TCF12: variants seen among roughly 807,000 people sequenced by gnomAD.
TCF12 encodes the protein DNA-binding protein HTF4.
TCF12 carries 45 observed loss-of-function variants against 86.0 expected under a neutral mutation model. The ratio of observed to expected loss-of-function variants is 0.52; its 90% confidence interval spans 0.41 to 0.67. The LOEUF is 0.67. TCF12 is among the 30% of genes least tolerant of loss of function. The pLI is 0.00. For synonymous variants in TCF12, 330 were observed against 299.6 expected, an observed-to-expected ratio of 1.10 and a Z score of -1.05; for missense variants, 881 against 859.9, an observed-to-expected ratio of 1.02 and a Z score of -0.31.
chr15:56,955,572 A>T (rs1045417456), intron 3 of TCF12, among the ~76,000 whole-genome samples: 35 of 151,980 alleles, frequency 2.3e-4, no homozygotes, highest in African/African-American at 8.0e-4. Flanking sequence ...AAATAAAAAT[A>T]AAAAAAAGCA....
chr15:57,183,191 A>G (rs189785943), intron 6 of TCF12, among the ~76,000 whole-genome samples: 12 of 152,298 alleles, frequency 7.9e-5, no homozygotes, highest in Admixed American at 3.9e-4. Context: ...GAATAATACA[A>G]TGAACACCCA....
chr15:57,150,283 T>A (rs193170147), intron 5 of TCF12, among the ~76,000 whole-genome samples: 2 of 152,242 alleles, frequency 1.3e-5, no homozygotes, highest in East Asian at 3.9e-4. Context: ...TGTATATGCA[T>A]GAGAGGAAAC....
intron 12 of TCF12, 50 bp downstream of exon 12, chr15:57,234,157 T>A: frequency 7.2e-7 from 1 of 1,388,844 alleles, no homozygotes; most frequent in Non-Finnish European, 1.0e-6. Context: ...CACTACTGAA[T>A]ACAGTGATTA....
At chr15:57,217,960 T>C (rs1290420538) in intron 8 of TCF12, among the ~76,000 whole-genome samples, 1 of 152,168 alleles carries the variant, frequency 6.6e-6, no homozygotes, top group East Asian at 1.9e-4. Flanking sequence ...TACAGCGATG[T>C]TCTTTTGCAG....
chr15:56,990,605 C>T (rs1299735749), intron 3 of TCF12, among the ~76,000 whole-genome samples: 3 of 151,870 alleles, frequency 2.0e-5, no homozygotes, highest in African/African-American at 7.3e-5. Context: ...AATTCTATTG[C>T]AGATTTGTTA....
intron 6 of TCF12, among the ~76,000 whole-genome samples, chr15:57,179,112 G>A (rs1171445936): frequency 6.6e-6 from 1 of 152,068 alleles, no homozygotes; most frequent in Admixed American, 6.6e-5. Flanking sequence ...AAGAAGATTA[G>A]GAAACTGAAA....
chr15:56,938,035 CGTTTCTTTTCTTTTTTTTTTTTTTT>C (rs1389203257), intron 3 of TCF12, among the ~76,000 whole-genome samples: 2 of 42,760 alleles, frequency 4.7e-5, no homozygotes, highest in African/African-American at 2.2e-4. Flanking sequence ...TTTTTTTTTT[CGTTTCTTTTCTTTTTTTTTTTTTTT>C]GAGACAGATA....
At chr15:57,205,604 TA>T (rs1430000242) in intron 8 of TCF12, among the ~76,000 whole-genome samples, 1 of 151,004 alleles carries the variant, frequency 6.6e-6, no homozygotes, top group African/African-American at 2.5e-5. Flanking sequence ...TCTCTGACCT[TA>T]CAGGTCAGAC....
At chr15:57,167,595 A>G (rs1396351283) in intron 6 of TCF12, among the ~76,000 whole-genome samples, 1 of 152,052 alleles carries the variant, frequency 6.6e-6, no homozygotes, top group African/African-American at 2.4e-5. Flanking sequence ...AGGAGGGAAG[A>G]GAAGGAAGGG....
At chr15:57,140,420 C>T (rs926692069) in intron 5 of TCF12, among the ~76,000 whole-genome samples, 3 of 152,128 alleles carry the variant, frequency 2.0e-5, no homozygotes, top group Non-Finnish European at 2.9e-5. Flanking sequence ...AAAGGTTCAT[C>T]ATCCAACAAC....
intron 19 of TCF12, among the ~76,000 whole-genome samples, chr15:57,276,920 T>C (rs1024991831): frequency 1.3e-5 from 2 of 150,922 alleles, no homozygotes; most frequent in African/African-American, 4.9e-5. Flanking sequence ...TTCTCCTGCC[T>C]CTGCCTCCTC....
At chr15:57,085,526 C>T (rs2151082671) in intron 4 of TCF12, among the ~76,000 whole-genome samples, 1 of 152,254 alleles carries the variant, frequency 6.6e-6, no homozygotes, top group South Asian at 2.1e-4. Context: ...TTCCCGCTCT[C>T]ACATAACAGA....
rs550493641 is a variant in TCF12, at chr15:57,223,643, GTTTTTTTTTTT to G, written c.580-7491_580-7481del. ...GTTTTGGCACCTGCCTACCAATGAG[GTTTTTTTTTTT>G]TTTTTTTTTTTTTTTTTAGAAATAG... On this transcript the variant is annotated intron_variant, in intron 8 of 20. Transcript: ENST00000333725. 1.7e-4 allele frequency among the ~76,000 whole-genome samples: 12 copies of G among 69,690 alleles called. No homozygotes were observed. In the South Asian group the frequency reaches 3.4e-3, roughly 20 times the overall value. The allele number at this position is 69,690 out of a possible 152,430, so 45.7% of individuals were successfully genotyped here.
chr15:57,133,820 G>A (rs2052326861), intron 5 of TCF12, among the ~76,000 whole-genome samples: 1 of 152,088 alleles, frequency 6.6e-6, no homozygotes, highest in South Asian at 2.1e-4. Context: ...GATGTTATGT[G>A]CTTTTCTCTT....
intron 3 of TCF12, among the ~76,000 whole-genome samples, chr15:57,026,684 A>T (rs1364260108): frequency 6.6e-6 from 1 of 152,090 alleles, no homozygotes; most frequent in Non-Finnish European, 1.5e-5. Context: ...TATATATTTT[A>T]ATTTACGTAT....
At chr15:57,136,494 A>G (rs1177947010) in intron 5 of TCF12, among the ~76,000 whole-genome samples, 4 of 152,180 alleles carry the variant, frequency 2.6e-5, no homozygotes, top group Admixed American at 6.5e-5. Flanking sequence ...TAACAGATCG[A>G]CGTATATTTC....
intron 3 of TCF12, among the ~76,000 whole-genome samples, chr15:56,948,798 A>G (rs2061130951): frequency 6.6e-6 from 1 of 152,238 alleles, no homozygotes; most frequent in African/African-American, 2.4e-5. Flanking sequence ...GACATCTTCC[A>G]CTTTCACTCA....
intron 3 of TCF12, among the ~76,000 whole-genome samples, chr15:56,934,833 A>C (rs533951213): frequency 6.6e-6 from 1 of 152,248 alleles, no homozygotes; most frequent in South Asian, 2.1e-4. Flanking sequence ...TGTGGCCTTC[A>C]TAGGAGCTAT....
intron 5 of TCF12, among the ~76,000 whole-genome samples, chr15:57,141,470 C>G (rs2052959829): frequency 6.6e-6 from 1 of 152,204 alleles, no homozygotes; most frequent in Non-Finnish European, 1.5e-5. Flanking sequence ...CTGCCTCAGC[C>G]TCCCGAGTAG....
Sources: gnomAD v4.1 joint callset for allele counts (sites outside exome capture counted in the v4.1 genomes callset) on GRCh38, gnomAD v4.1.1 for gene constraint, MANE v1.5 for transcripts, NCBI Gene and HGNC (gene_info 2026-07-23, HGNC 2026-07-21) for gene names.